Variants in ANKRD31 observed in about 807,000 individuals in gnomAD.
ANKRD31 encodes ankyrin repeat domain 31, also known as ankyrin repeat domain-containing protein 31.
Under a neutral mutation model 186.0 loss-of-function variants are expected in ANKRD31, and 147 were observed. The ratio of observed to expected loss-of-function variants is 0.79; its 90% CI spans 0.69 to 0.91. ANKRD31 has a LOEUF of 0.91. Ranked by LOEUF, ANKRD31 falls within the 40% of genes least tolerant of loss-of-function variation. The pLI is 0.00. For synonymous variants in ANKRD31, 673 were observed against 736.4 expected, an observed-to-expected ratio of 0.91 and a Z score of 1.39; for missense variants, 1,986 against 2,148.8, an observed-to-expected ratio of 0.92 and a Z score of 1.50.
intron 17 of ANKRD31, among the ~76,000 whole-genome samples, chr5:75,124,461 A>G (rs549778284): frequency 1.3e-4 from 20 of 152,342 alleles, no homozygotes; most frequent in African/African-American, 4.6e-4. Flanking sequence ...AAATCATCAT[A>G]TTAAAAAGAT....
chr5:75,161,805 G>C (rs1322203316), intron 11 of ANKRD31, among the ~76,000 whole-genome samples: 1 of 152,242 alleles, frequency 6.6e-6, no homozygotes, highest in African/African-American at 2.4e-5. Context: ...CCTATGTAGA[G>C]CTTGGGCTGT....
chr5:75,230,606 T>C lies in ANKRD31; in HGVS notation c.134A>G (p.Lys45Arg). 1 of 1,537,012 alleles carries C rather than the reference T, an allele frequency of 6.5e-7. No homozygotes were observed. Among genetic ancestry groups the C allele is most frequent in the Non-Finnish European group, 8.7e-7 (1 of 1,146,778 alleles). Reference protein sequence around the residue: ...RLLFDQDASLKSEFSLHPDTR... With the variant: ...RLLFDQDASLRSEFSLHPDTR... Reference sequence around the variant, plus strand: ...ATCAGGATGCAGACTGAACTCAGATTTAAGAGATGCGTCTTGATCAAACAG... The same window carrying C: ...ATCAGGATGCAGACTGAACTCAGATCTAAGAGATGCGTCTTGATCAAACAG... Residue 45 changes from lysine to arginine, a missense_variant, in exon 2 of 26, where the codon AAA becomes AGA. Transcript: ENST00000506364.
chr5:75,236,675 G>A lies in ANKRD31; in HGVS notation c.12C>T (p.Gly4=), dbSNP rs1758294991. 1 of 1,535,344 alleles carries A rather than the reference G, an allele frequency of 6.5e-7. No individual in the cohort carries two copies. The highest frequency in any genetic ancestry group is 1.4e-5 in the African/African-American group (1 of 72,936). The change falls in exon 1 of 26, where the codon GGC becomes GGT. Residue 4 remains glycine (G), a synonymous_variant. Transcript: ENST00000506364. MEE[G]VQAPDWDSDE... The stretch of plus-strand genomic sequence containing the variant: ...CACTGTCCCAGTCTGGGGCCTGGAC[G>A]CCTTCCTCCATCTTTGCCTCACATT...
At chr5:75,169,240 G>A in intron 10 of ANKRD31, 119 bp from the exon 11 acceptor site, 1 of 1,212,312 alleles carries the variant, frequency 8.2e-7, no homozygotes, top group Non-Finnish European at 1.1e-6. Flanking sequence ...TTGATTATAT[G>A]AGTCAAGATA....
At chr5:75,189,449 T>C (rs1194727525) in intron 9 of ANKRD31, among the ~76,000 whole-genome samples, 3 of 152,144 alleles carry the variant, frequency 2.0e-5, no homozygotes, top group Non-Finnish European at 4.4e-5. Flanking sequence ...GGTAACTGAG[T>C]ACTGCAGCAG....
intron 25 of ANKRD31, among the ~76,000 whole-genome samples, chr5:75,079,743 T>C (rs1169565854): frequency 1.3e-5 from 2 of 152,204 alleles, no homozygotes; most frequent in African/African-American, 4.8e-5. Flanking sequence ...CCCAAAGTGC[T>C]GGGATTACAA....
At chr5:75,135,908 A>G (rs1411115416) in intron 17 of ANKRD31, among the ~76,000 whole-genome samples, 1 of 152,210 alleles carries the variant, frequency 6.6e-6, no homozygotes, top group Non-Finnish European at 1.5e-5. Context: ...CAAAAACAAG[A>G]AATGCGGAAA....
intron 13 of ANKRD31, among the ~76,000 whole-genome samples, chr5:75,147,828 G>A (rs1056693811): frequency 1.3e-5 from 2 of 151,688 alleles, no homozygotes; most frequent in Non-Finnish European, 2.9e-5. Context: ...ATTTTTATAT[G>A]CTTTTAAATT....
chr5:75,153,357 A>G (rs1428678100), intron 12 of ANKRD31, among the ~76,000 whole-genome samples: 1 of 152,100 alleles, frequency 6.6e-6, no homozygotes, highest in Non-Finnish European at 1.5e-5. Flanking sequence ...AAGTATTAGG[A>G]TTCGTTGTTA....
At chr5:75,083,125 A>G (rs962466836) in intron 24 of ANKRD31, among the ~76,000 whole-genome samples, 1 of 152,230 alleles carries the variant, frequency 6.6e-6, no homozygotes, top group Non-Finnish European at 1.5e-5. Context: ...TTTATGTTTC[A>G]TATACACCTA....
intron 3 of ANKRD31, among the ~76,000 whole-genome samples, chr5:75,221,595 G>C (rs953003636): frequency 6.6e-5 from 10 of 152,280 alleles, no homozygotes; most frequent in Admixed American, 4.6e-4. Context: ...AGGTGTAAGA[G>C]TGGACAAAAG....
intron 24 of ANKRD31, among the ~76,000 whole-genome samples, chr5:75,082,709 T>C (rs1465048093): frequency 6.6e-6 from 1 of 152,144 alleles, no homozygotes; most frequent in Non-Finnish European, 1.5e-5. Context: ...ACAACACTCA[T>C]TTTTTCCTTT....
At chr5:75,147,844 G>A (rs1369942857) in intron 13 of ANKRD31, among the ~76,000 whole-genome samples, 1 of 151,720 alleles carries the variant, frequency 6.6e-6, no homozygotes, top group Non-Finnish European at 1.5e-5. Flanking sequence ...AAATTAATCA[G>A]ATCAAAGTTT....
chr5:75,114,688 T>C (rs1748059837), intron 19 of ANKRD31, among the ~76,000 whole-genome samples: 1 of 152,048 alleles, frequency 6.6e-6, no homozygotes, highest in Non-Finnish European at 1.5e-5. Context: ...TACCTAGGAA[T>C]CCAACTTACA....
At chr5:75,145,426 T>C (rs1751365011) in intron 14 of ANKRD31, among the ~76,000 whole-genome samples, 1 of 152,130 alleles carries the variant, frequency 6.6e-6, no homozygotes, top group Non-Finnish European at 1.5e-5. Flanking sequence ...GATGAGTTCA[T>C]GTCCTTTTCA....
chr5:75,077,352 T>G (rs1174470320), intron 25 of ANKRD31, among the ~76,000 whole-genome samples: 2 of 152,176 alleles, frequency 1.3e-5, no homozygotes, highest in African/African-American at 2.4e-5. Flanking sequence ...AACACAGGCA[T>G]GAGTCACTGC....
intron 11 of ANKRD31, among the ~76,000 whole-genome samples, chr5:75,161,189 C>G (rs1348061679): frequency 6.6e-6 from 1 of 152,158 alleles, no homozygotes; most frequent in Non-Finnish European, 1.5e-5. Flanking sequence ...TCCCTAGAGA[C>G]TTGTTGAATG....
intron 15 of ANKRD31, among the ~76,000 whole-genome samples, chr5:75,141,694 G>A (rs533552657): frequency 6.6e-6 from 1 of 151,952 alleles, no homozygotes; most frequent in Non-Finnish European, 1.5e-5. Context: ...CCCAGTTACT[G>A]AGGGATGCTG....
intron 10 of ANKRD31, among the ~76,000 whole-genome samples, chr5:75,181,435 C>A (rs888088853): frequency 1.3e-5 from 2 of 152,028 alleles, no homozygotes; most frequent in South Asian, 2.1e-4. Flanking sequence ...CACATGCACA[C>A]GTACGTTTAT....
Sources: allele counts gnomAD v4.1 joint callset (sites outside exome capture counted in the v4.1 genomes callset), GRCh38; gene constraint gnomAD v4.1.1; transcripts MANE v1.5; gene names NCBI Gene and HGNC (gene_info 2026-07-23, HGNC 2026-07-21).